Variants in CCDC70 observed in about 807,000 individuals in gnomAD.
CCDC70 encodes the protein coiled-coil domain-containing protein 70.
A neutral mutation model predicts 9.1 loss-of-function variants in CCDC70; 4 were observed. That is an observed-to-expected ratio of 0.44 (90% CI 0.22 to 1.00). The LOEUF is 1.00. Ranked by LOEUF, CCDC70 falls within the 50% of genes least tolerant of loss-of-function variation. The pLI is 0.25. For synonymous variants in CCDC70, 119 were observed against 94.0 expected, an observed-to-expected ratio of 1.27 and a Z score of -1.54; for missense variants, 308 against 271.3, an observed-to-expected ratio of 1.14 and a Z score of -0.95.
Position 51,865,986 on chromosome 13 carries a change from A to G in CCDC70, c.575A>G (p.Asn192Ser), listed in dbSNP as rs144052666. 1.8e-5 allele frequency: 29 copies of G among 1,613,862 alleles called. No homozygotes were observed. The highest frequency in any genetic ancestry group is 2.5e-5 in the Non-Finnish European group (29 of 1,179,960). The part of the protein sequence containing the change: ...EEERAFWMEN[N>S]GHIAGEQMLE... ...GAGAGGGCCTTCTGGATGGAGAACA[A>G]TGGCCACATTGCCGGAGAGCAGATG... The change falls in exon 2 of 2, where the codon AAT becomes AGT. Residue 192 changes from asparagine (N) to serine (S), a missense_variant. Asn to Ser is a conservative substitution (Grantham distance 46, BLOSUM62 1). Coordinates refer to ENST00000242819, the MANE Select transcript of CCDC70 (RefSeq NM_031290.4).
chr13:51,864,254 G>A (rs1370455343), intron 1 of CCDC70, among the ~76,000 whole-genome samples: 4 of 151,394 alleles, frequency 2.6e-5, no homozygotes, highest in Non-Finnish European at 5.9e-5. Context: ...ACATGAAACC[G>A]CCACCAAGCA....
In CCDC70 at chr13:51,865,942, G is replaced by T. The variant is rs1326426997; in HGVS notation, c.531G>T (p.Glu177Asp). ...ATAAAACGTCCCTCTGGGAGGAAGA[G>T]AATGCCCTCTGGGAGGAAGAGAGGG... ...WEDKTSLWEE[E>D]NALWEEERAF... is the part of the protein sequence containing the mutation. The change falls in exon 2 of 2, where the codon GAG becomes GAT. Residue 177 changes from glutamate to aspartate, a missense_variant. Physicochemically the swap from Glu to Asp is conservative, Grantham distance 45 (BLOSUM62 2). Coordinates refer to ENST00000242819, the MANE Select transcript of CCDC70 (RefSeq NM_031290.4). 2 of 1,613,938 alleles carry T rather than the reference G, an allele frequency of 1.2e-6. No homozygotes were observed. Among genetic ancestry groups the T allele is most frequent in the Non-Finnish European group, 8.5e-7 (1 of 1,180,012 alleles).
intron 1 of CCDC70, among the ~76,000 whole-genome samples, chr13:51,863,665 GCA>G (rs1173463252): frequency 9.6e-6 from 1 of 103,766 alleles, no homozygotes; most frequent in Non-Finnish European, 1.9e-5. Context: ...ATATGCACGC[GCA>G]CACAGACACA....
chr13:51,862,675 G>A (rs1236550570), intron 1 of CCDC70, among the ~76,000 whole-genome samples: 1 of 152,148 alleles, frequency 6.6e-6, no homozygotes, highest in African/African-American at 2.4e-5. Flanking sequence ...GAGATGGCCT[G>A]GAGGAGGTAT....
In CCDC70 at chr13:51,865,599, G is replaced by A; in HGVS notation, c.188G>A (p.Gly63Asp). ...AGGGAAGAGATGTGGACTTTCCGAG[G>A]CAAGATCCATGCTTTCCGGGGCCAG... ...DFREEMWTFR[G>D]KIHAFRGQIL... The change falls in exon 2 of 2, where the codon GGC becomes GAC. Residue 63 changes from glycine to aspartate, a missense_variant. Transcript: ENST00000242819. The A allele has an allele frequency of 2.5e-6, 4 of 1,614,130 alleles. No individual in the cohort carries two copies. The highest frequency in any genetic ancestry group is 3.4e-6 in the Non-Finnish European group (4 of 1,180,024).
chr13:51,862,979 AAGTAATAGTGG>A (rs1429076201), intron 1 of CCDC70, among the ~76,000 whole-genome samples: 3 of 152,240 alleles, frequency 2.0e-5, no homozygotes, highest in African/African-American at 7.2e-5. Flanking sequence ...CAAGTGTGAC[AAGTAATAGTGG>A]AGTAACAGAC....
rs35041555 is a variant in CCDC70, at chr13:51,863,672, G to GACACACACAC, written c.-81+1472_-81+1481dup. On this transcript the variant is annotated intron_variant, in intron 1 of 1. Coordinates refer to ENST00000242819, the MANE Select transcript of CCDC70 (RefSeq NM_031290.4). ...GTGTCTTCATATGCACGCGCACACA[G>GACACACACAC]ACACACACACACACACACACACACA... Among the ~76,000 whole-genome samples, 406 of 134,376 alleles carry GACACACACAC rather than the reference G, an allele frequency of 3.0e-3. 3 individuals carry two copies. Among genetic ancestry groups the GACACACACAC allele is most frequent in the African/African-American group, 0.01 (377 of 36,688 alleles). 88.2% of individuals were successfully genotyped at this position (134,376 alleles called of 152,430 possible).
In CCDC70 at chr13:51,863,708, C is replaced by CACACACACACACA. The variant is rs1555276646; in HGVS notation, c.-81+1481_-81+1482insACACACACACAAC. ...ACACACACACACACACACACACACA[C>CACACACACACACA]ACCAGCTATGTGTCTTTTCTCCTCC... On this transcript the variant is annotated intron_variant, in intron 1 of 1. Coordinates refer to ENST00000242819, the MANE Select transcript of CCDC70 (RefSeq NM_031290.4). 8.5e-5 allele frequency among the ~76,000 whole-genome samples: 12 copies of CACACACACACACA among 141,132 alleles called. No individual in the cohort carries two copies. The South Asian group carries it at 1.1e-3, about 13-fold the overall frequency. The allele number at this position is 141,132 out of a possible 152,430, so 92.6% of individuals were successfully genotyped here. A position where few individuals can be genotyped will look rare whatever the true frequency, so the allele number is the denominator to read the frequency against.
intron 1 of CCDC70, among the ~76,000 whole-genome samples, chr13:51,863,500 TA>T (rs1276424664): frequency 1.3e-5 from 2 of 152,042 alleles, no homozygotes; most frequent in African/African-American, 4.8e-5. Flanking sequence ...CAGGAAATGT[TA>T]AGGATCTGGA....
rs201081051 is a variant in CCDC70, at chr13:51,865,263, A to G, written c.-80-69A>G. 3.3e-4 allele frequency: 247 copies of G among 739,508 alleles called. 1 individual carries two copies. In the East Asian group the frequency reaches 6.5e-3, roughly 20 times the overall value. The allele number at this position is 739,508 out of a possible 1,614,324, so 45.8% of individuals were successfully genotyped here. A position where few individuals can be genotyped will look rare whatever the true frequency, so the allele number is the denominator to read the frequency against. On this transcript the variant is annotated intron_variant, in intron 1 of 1. Transcript: ENST00000242819. ...GTGATTACATTTTCTCAAATTCAGT[A>G]GTACAGAACCAAGGGCCGTCCCCTG...
chr13:51,865,284 C>A, intron 1 of CCDC70, 48 bp from the exon 2 acceptor site: 1 of 993,350 alleles, frequency 1.0e-6, no homozygotes, highest in Non-Finnish European at 1.5e-6. Context: ...AAGGGCCGTC[C>A]CCTGGCATGT....
chr13:51,862,773 G>A (rs551484331), intron 1 of CCDC70, among the ~76,000 whole-genome samples: 1 of 152,172 alleles, frequency 6.6e-6, no homozygotes, highest in Non-Finnish European at 1.5e-5. Flanking sequence ...ATGGAAGTGA[G>A]GGAGGACTTC....
intron 1 of CCDC70, among the ~76,000 whole-genome samples, chr13:51,863,295 G>C (rs761646561): frequency 3.9e-5 from 6 of 152,220 alleles, no homozygotes; most frequent in Non-Finnish European, 7.3e-5. Flanking sequence ...GTTCAGCTTT[G>C]ATCTTTGGGC....
intron 1 of CCDC70, among the ~76,000 whole-genome samples, 154 bp from the exon 2 acceptor site, chr13:51,865,178 C>G (rs1401878448): frequency 6.6e-6 from 1 of 152,202 alleles, no homozygotes; most frequent in African/African-American, 2.4e-5. Context: ...CCATGACCAC[C>G]CCACATGTTT....
intron 1 of CCDC70, among the ~76,000 whole-genome samples, chr13:51,864,094 CCCTT>C (rs1345502553): frequency 4.7e-5 from 7 of 149,666 alleles, no homozygotes; most frequent in East Asian, 2.0e-4. Flanking sequence ...TTCCTTCCCT[CCCTT>C]CCTTCCTTCC....
chr13:51,864,133 T>C (rs1403166875), intron 1 of CCDC70, among the ~76,000 whole-genome samples: 1 of 152,080 alleles, frequency 6.6e-6, no homozygotes, highest in Non-Finnish European at 1.5e-5. Context: ...CTTTTCTTTT[T>C]TTCTTTTCCT....
intron 1 of CCDC70, 109 bp from the exon 2 acceptor site, chr13:51,865,223 T>C: frequency 1.7e-6 from 1 of 585,636 alleles, no homozygotes; most frequent in Non-Finnish European, 2.9e-6. Context: ...AACACCACCA[T>C]GTGGACAAAG....
At position 51,865,881 on chromosome 13, in the gene CCDC70, G is replaced by T. The variant is rs137987090; in HGVS notation, c.470G>T (p.Arg157Ile). ...EEEKALWVEERALLEGEKALW... is the reference protein window; with the variant it reads ...EEEKALWVEEIALLEGEKALW... ...GAAAAGGCCCTGTGGGTAGAGGAAA[G>T]AGCCCTCCTTGAGGGGGAGAAAGCC... The change falls in exon 2 of 2, where the codon AGA becomes ATA. Residue 157 changes from arginine (R) to isoleucine (I), a missense_variant. Arg to Ile is a moderately conservative substitution (Grantham distance 97, BLOSUM62 -3). Transcript: ENST00000242819. 29 of 1,613,396 alleles carry T rather than the reference G, an allele frequency of 1.8e-5. No homozygotes were observed. The highest frequency in any genetic ancestry group is 2.4e-5 in the Non-Finnish European group (28 of 1,179,860).
In CCDC70 at chr13:51,865,792, G is replaced by A. The variant is rs367804367; in HGVS notation, c.381G>A (p.Glu127=). Residue 127 remains glutamate (E), a synonymous_variant, in exon 2 of 2, where the codon GAG becomes GAA. Transcript: ENST00000242819. ...FWKEDKAFWK[E]DNALWERDRN... ...AGGAGGATAAGGCCTTCTGGAAAGA[G>A]GACAATGCCTTATGGGAAAGAGACC... 3 of 1,614,124 alleles carry A rather than the reference G, an allele frequency of 1.9e-6. No homozygotes were observed. The highest frequency in any genetic ancestry group is 2.5e-6 in the Non-Finnish European group (3 of 1,180,050).
Sources: gnomAD v4.1 joint callset for allele counts (sites outside exome capture counted in the v4.1 genomes callset) on GRCh38, gnomAD v4.1.1 for gene constraint, MANE v1.5 for transcripts, NCBI Gene and HGNC (gene_info 2026-07-23, HGNC 2026-07-21) for gene names.